Variants in KCNH1 observed in about 807,000 individuals in gnomAD.
KCNH1 encodes potassium voltage-gated channel subfamily H member 1.
KCNH1 carries 27 observed loss-of-function variants against 69.2 expected under a neutral mutation model. That is an observed-to-expected ratio of 0.39 (90% confidence interval 0.29 to 0.54). KCNH1 has a LOEUF of 0.54. Among genes scored for constraint, KCNH1 ranks in the 20% least tolerant of loss-of-function variants. The pLI, the probability that KCNH1 is intolerant of heterozygous loss-of-function variation, is 0.68. For missense variants in KCNH1, 798 were observed against 1,261.6 expected (o/e 0.63, Z 5.57); for synonymous variants, 456 against 487.7 (o/e 0.93, Z 0.86).
chr1:210,703,473 A>C (rs1347253145), intron 10 of KCNH1, among the ~76,000 whole-genome samples: 2 of 152,246 alleles, frequency 1.3e-5, no homozygotes, highest in Non-Finnish European at 2.9e-5. Flanking sequence ...CATCTATAAA[A>C]TAGAGCTAGT....
chr1:211,098,221 TG>T (rs1691193149), intron 3 of KCNH1, among the ~76,000 whole-genome samples: 2 of 150,172 alleles, frequency 1.3e-5, no homozygotes, highest in Non-Finnish European at 3.0e-5. Flanking sequence ...CTTGGGTGGC[TG>T]AGATGGGAGG....
Position 210,957,647 on chromosome 1 carries a change from TA to T in KCNH1, c.1033-37579del, listed in dbSNP as rs367575776. Among the ~76,000 whole-genome samples, 887 of 152,340 alleles carry T rather than the reference TA, an allele frequency of 5.8e-3. 12 individuals carry two copies. Among genetic ancestry groups the T allele is most frequent in the African/African-American group, 0.02 (844 of 41,578 alleles). On this transcript the variant is annotated intron_variant, in intron 6 of 10. Transcript: ENST00000271751. Reference sequence around the variant, plus strand: ...GGTTAGTTAGCGCTTCTTGTTGAATTATTCTCTTTACCATTATGAAATGGCC... The same window carrying T: ...GGTTAGTTAGCGCTTCTTGTTGAATTTTCTCTTTACCATTATGAAATGGCC...
chr1:211,066,647 A>G (rs1690535732), intron 5 of KCNH1, among the ~76,000 whole-genome samples: 1 of 152,192 alleles, frequency 6.6e-6, no homozygotes, highest in Non-Finnish European at 1.5e-5. Flanking sequence ...TCACAAATCT[A>G]TGAGTACATA....
At chr1:210,931,949 A>G (rs1342554179) in intron 6 of KCNH1, among the ~76,000 whole-genome samples, 1 of 152,028 alleles carries the variant, frequency 6.6e-6, no homozygotes, top group Non-Finnish European at 1.5e-5. Flanking sequence ...ACAAAGTAAT[A>G]AAAAATAATG....
At chr1:210,733,143 C>T (rs1682786242) in intron 10 of KCNH1, among the ~76,000 whole-genome samples, 1 of 152,038 alleles carries the variant, frequency 6.6e-6, no homozygotes, top group Non-Finnish European at 1.5e-5. Flanking sequence ...ACAAAGTATC[C>T]TTTCATATGG....
rs563168404 is a variant in KCNH1 at position 210,741,514 on chromosome 1, C to T, written c.2112+33834G>A. Among the ~76,000 whole-genome samples the T allele has an allele frequency of 3.3e-5, 5 of 152,184 alleles. No individual in the cohort carries two copies. In the South Asian group the frequency reaches 1.0e-3, roughly 32 times the overall value. The stretch of plus-strand genomic sequence containing the variant: ...GCTGTGAAAGATGGGGCCAAGCAGA[C>T]GTGAAAACTGAAGCTGTACTCAGGC... On this transcript the variant is annotated intron_variant, in intron 10 of 10. Coordinates refer to ENST00000271751, the MANE Select transcript of KCNH1 (RefSeq NM_172362.3).
chr1:210,772,233 C>CT (rs1683765835), intron 10 of KCNH1, among the ~76,000 whole-genome samples: 1 of 152,182 alleles, frequency 6.6e-6, no homozygotes, highest in Non-Finnish European at 1.5e-5. Context: ...AGCTCAGAGT[C>CT]TTTGCTGCAC....
rs373111352 is a variant in KCNH1, at chr1:210,862,227, T to C, written c.1462+57413A>G. ...CATTGAGCTGGCGCTCCATGGCCTC[T>C]TGCAGGGCTGGGTCCATGGTGCCCC... On this transcript the variant is annotated intron_variant, in intron 7 of 10. Coordinates refer to ENST00000271751, the MANE Select transcript of KCNH1 (RefSeq NM_172362.3). The C allele has an allele frequency of 5.3e-4, 611 of 1,155,272 alleles. 8 individuals are homozygous for C. In the South Asian group the frequency reaches 7.1e-3, roughly 13 times the overall value. 71.6% of individuals were successfully genotyped at this position (1,155,272 alleles called of 1,614,324 possible).
At chr1:210,986,068 G>A (rs1416577957) in intron 6 of KCNH1, among the ~76,000 whole-genome samples, 1 of 152,208 alleles carries the variant, frequency 6.6e-6, no homozygotes, top group East Asian at 1.9e-4. Flanking sequence ...GATGTTTGTT[G>A]GTTTAAAGTC....
At chr1:210,713,886 T>C (rs1682144473) in intron 10 of KCNH1, among the ~76,000 whole-genome samples, 1 of 152,180 alleles carries the variant, frequency 6.6e-6, no homozygotes, top group Admixed American at 6.5e-5. Flanking sequence ...CATCTCTGAG[T>C]GGAGCTAACA....
chr1:211,117,276 T>C (rs1022148274), intron 1 of KCNH1, among the ~76,000 whole-genome samples: 2 of 152,230 alleles, frequency 1.3e-5, no homozygotes, highest in African/African-American at 4.8e-5. Context: ...GTTAAGATTA[T>C]ATTGGTAGCC....
intron 5 of KCNH1, among the ~76,000 whole-genome samples, chr1:211,030,840 C>A (rs80135942): frequency 6.6e-6 from 1 of 151,576 alleles, no homozygotes; most frequent in South Asian, 2.1e-4. Context: ...GCAAAGCAAA[C>A]GTCAAATAAA....
At chr1:211,104,622 G>C (rs973127492) in intron 2 of KCNH1, among the ~76,000 whole-genome samples, 1 of 152,104 alleles carries the variant, frequency 6.6e-6, no homozygotes, top group Non-Finnish European at 1.5e-5. Context: ...AATGCCAGAG[G>C]AGGGGGAAAA....
At chr1:210,804,888 C>T (rs1476403134) in intron 7 of KCNH1, among the ~76,000 whole-genome samples, 1 of 152,092 alleles carries the variant, frequency 6.6e-6, no homozygotes, top group Non-Finnish European at 1.5e-5. Context: ...AAATCAAGTC[C>T]CCTTTGAGAC....
At chr1:210,713,492 T>C (rs1032078862) in intron 10 of KCNH1, among the ~76,000 whole-genome samples, 3 of 152,212 alleles carry the variant, frequency 2.0e-5, no homozygotes, top group Admixed American at 1.3e-4. Flanking sequence ...TGTGGTAGGC[T>C]CTGGGGATAA....
intron 7 of KCNH1, among the ~76,000 whole-genome samples, chr1:210,892,348 T>C (rs1686768660): frequency 6.6e-6 from 1 of 152,112 alleles, no homozygotes; most frequent in African/African-American, 2.4e-5. Context: ...CTTTCCCCCT[T>C]TTCTGCCTGA....
chr1:210,776,765 C>T (rs891809984), intron 9 of KCNH1, among the ~76,000 whole-genome samples: 10 of 152,158 alleles, frequency 6.6e-5, no homozygotes, highest in Non-Finnish European at 1.5e-4. Context: ...AAGTACTAAT[C>T]CCATATAGCC....
intron 7 of KCNH1, among the ~76,000 whole-genome samples, chr1:210,815,082 G>T (rs1684785960): frequency 6.6e-6 from 1 of 152,110 alleles, no homozygotes. Context: ...ACAACATCTG[G>T]GCATTTGGTA....
At chr1:210,794,693 A>C (rs1486064771) in intron 9 of KCNH1, among the ~76,000 whole-genome samples, 2 of 152,188 alleles carry the variant, frequency 1.3e-5, no homozygotes, top group Admixed American at 1.3e-4. Flanking sequence ...GTGGTGAGTC[A>C]TGAAGGGATG....
Sources: allele counts gnomAD v4.1 joint callset (sites outside exome capture counted in the v4.1 genomes callset), GRCh38; gene constraint gnomAD v4.1.1; transcripts MANE v1.5; gene names NCBI Gene and HGNC (gene_info 2026-07-23, HGNC 2026-07-21).